PITPNC1: variants seen among roughly 807,000 people sequenced by gnomAD.
PITPNC1 encodes phosphatidylinositol transfer protein cytoplasmic 1.
In PITPNC1, 18 loss-of-function variants were observed where a neutral mutation model predicts 44.7. That is an observed-to-expected ratio of 0.40 (90% CI 0.28 to 0.60). PITPNC1 has a LOEUF of 0.60. Among genes scored for constraint, PITPNC1 ranks in the 20% least tolerant of loss-of-function variants. PITPNC1 has a pLI of 0.39. For synonymous variants in PITPNC1, 141 were observed against 149.6 expected (o/e 0.94, Z 0.42); for missense variants, 290 against 418.4 (o/e 0.69, Z 2.68).
At chr17:67,663,378 G>A (rs1329398214) in intron 6 of PITPNC1, among the ~76,000 whole-genome samples, 2 of 151,908 alleles carry the variant, frequency 1.3e-5, no homozygotes, top group Non-Finnish European at 2.9e-5. Context: ...GACCATCCTG[G>A]CTAACACAGT....
At chr17:67,472,006 C>T (rs538977329) in intron 1 of PITPNC1, among the ~76,000 whole-genome samples, 50 of 151,730 alleles carry the variant, frequency 3.3e-4, no homozygotes, top group African/African-American at 1.0e-3. Context: ...GTAGGATGTC[C>T]CTCAATCTGG....
intron 6 of PITPNC1, among the ~76,000 whole-genome samples, chr17:67,645,115 C>T (rs1238957776): frequency 6.6e-6 from 1 of 151,650 alleles, no homozygotes; most frequent in African/African-American, 2.4e-5. Context: ...CCGAGGCAGG[C>T]GGATCACCTG....
intron 4 of PITPNC1, among the ~76,000 whole-genome samples, chr17:67,574,667 A>C (rs1598839280): frequency 6.6e-6 from 1 of 152,218 alleles, no homozygotes; most frequent in East Asian, 1.9e-4. Context: ...TAACATGGAC[A>C]TCACCCCTGA....
chr17:67,391,021 C>G (rs764681735), intron 1 of PITPNC1, among the ~76,000 whole-genome samples: 3 of 151,052 alleles, frequency 2.0e-5, no homozygotes, highest in Admixed American at 6.6e-5. Flanking sequence ...ATGTAGCCAG[C>G]GTAAGTTCTT....
chr17:67,668,413 T>C (rs1474226839), intron 6 of PITPNC1, among the ~76,000 whole-genome samples: 2 of 152,190 alleles, frequency 1.3e-5, no homozygotes, highest in African/African-American at 4.8e-5. Context: ...TTTCCAGTTT[T>C]TGCCTCCTGT....
At chr17:67,605,855 A>T (rs1378842545) in intron 5 of PITPNC1, among the ~76,000 whole-genome samples, 1 of 152,238 alleles carries the variant, frequency 6.6e-6, no homozygotes, top group Admixed American at 6.5e-5. Context: ...TTAAGAGAGC[A>T]TCGTACTGAG....
At chr17:67,498,889 TGA>T (rs1441068573) in intron 1 of PITPNC1, among the ~76,000 whole-genome samples, 1 of 128,816 alleles carries the variant, frequency 7.8e-6, no homozygotes, top group African/African-American at 2.9e-5. Context: ...TTTTTTTTTT[TGA>T]GATGGAGTCT....
intron 1 of PITPNC1, among the ~76,000 whole-genome samples, chr17:67,410,940 G>A (rs770388161): frequency 7.9e-5 from 12 of 151,904 alleles, no homozygotes; most frequent in African/African-American, 2.4e-4. Context: ...CAAATTAGCC[G>A]GGCGTGGTGT....
chr17:67,430,459 G>A (rs958436780), intron 1 of PITPNC1, among the ~76,000 whole-genome samples: 4 of 150,734 alleles, frequency 2.7e-5, no homozygotes, highest in African/African-American at 7.3e-5. Flanking sequence ...CTGCACTCGA[G>A]CCTCTGTGAC....
rs2039560936 is a variant in PITPNC1 at position 67,472,735 on chromosome 17, G to T, written c.49-60067G>T. Among the ~76,000 whole-genome samples the T allele has an allele frequency of 3.3e-5, 5 of 151,932 alleles. No individual in the cohort carries two copies. In the South Asian group the frequency reaches 1.0e-3, roughly 32 times the overall value. Reference sequence around the variant, plus strand: ...TTTGTGTTGGGCCACATTCAAAGCTGTCCTGGGCCACGGGTTGGACAAGCT... The same window carrying T: ...TTTGTGTTGGGCCACATTCAAAGCTTTCCTGGGCCACGGGTTGGACAAGCT... On this transcript the variant is annotated intron_variant, in intron 1 of 8. Transcript: ENST00000581322.
Position 67,458,911 on chromosome 17 carries a change from G to T in PITPNC1, c.49-73891G>T, listed in dbSNP as rs1017278879. ...TCTGTTAATTTCTTAGTTTAGAACG[G>T]CCTGGATCACCCCGCTTAAGGCTCA... On this transcript the variant is annotated intron_variant, in intron 1 of 8. Transcript: ENST00000581322. Among the ~76,000 whole-genome samples the T allele has an allele frequency of 6.6e-5, 10 of 151,984 alleles. 1 individual carries two copies. In the East Asian group the frequency reaches 9.6e-4, roughly 15 times the overall value.
intron 1 of PITPNC1, chr17:67,379,085 C>G (rs1349003094): frequency 6.1e-6 from 6 of 985,852 alleles, no homozygotes; most frequent in African/African-American, 1.7e-5. Context: ...TCTTCCCCTT[C>G]TTCCTCCCCA....
intron 1 of PITPNC1, among the ~76,000 whole-genome samples, chr17:67,497,904 A>G (rs1361593999): frequency 2.0e-5 from 3 of 146,874 alleles, no homozygotes; most frequent in Non-Finnish European, 4.5e-5. Context: ...TCTGTTGCCC[A>G]GGCTGGAGTG....
At chr17:67,623,104 A>G (rs923166162) in intron 5 of PITPNC1, among the ~76,000 whole-genome samples, 1 of 131,780 alleles carries the variant, frequency 7.6e-6, no homozygotes, top group Non-Finnish European at 1.6e-5. Context: ...CGAGCTCCCA[A>G]AAGCCAAAAA....
chr17:67,501,272 T>A (rs1426691217), intron 1 of PITPNC1, among the ~76,000 whole-genome samples: 3 of 152,136 alleles, frequency 2.0e-5, no homozygotes, highest in Non-Finnish European at 4.4e-5. Flanking sequence ...ATCCTGGAAT[T>A]CCTTCTTGCT....
At chr17:67,626,660 T>C (rs1178505443) in intron 5 of PITPNC1, among the ~76,000 whole-genome samples, 1 of 152,082 alleles carries the variant, frequency 6.6e-6, no homozygotes, top group Non-Finnish European at 1.5e-5. Context: ...TGAGCCACCA[T>C]GCCCGGCCAG....
intron 6 of PITPNC1, among the ~76,000 whole-genome samples, chr17:67,647,846 C>T (rs1162266502): frequency 6.6e-6 from 1 of 152,116 alleles, no homozygotes; most frequent in Non-Finnish European, 1.5e-5. Flanking sequence ...TTCTGCTCCA[C>T]AGATCTGAGG....
intron 5 of PITPNC1, among the ~76,000 whole-genome samples, chr17:67,599,996 A>G (rs972436376): frequency 6.6e-6 from 1 of 152,192 alleles, no homozygotes; most frequent in Admixed American, 6.5e-5. Flanking sequence ...TCAGGCAGGT[A>G]TTGATGTAGG....
chr17:67,425,186 T>TGCGCGCGCGCGCGCGCGC lies in PITPNC1; in HGVS notation c.48+46992_48+46993insGCGCGCGCGCGCGCGCGC, dbSNP rs1386197600. 4.1e-4 allele frequency among the ~76,000 whole-genome samples: 23 copies of TGCGCGCGCGCGCGCGCGC among 55,714 alleles called. 1 individual carries two copies. Among genetic ancestry groups the TGCGCGCGCGCGCGCGCGC allele is most frequent in the African/African-American group, 8.4e-4 (11 of 13,128 alleles). 36.6% of individuals were successfully genotyped at this position (55,714 alleles called of 152,430 possible). ...CCAGGTGAAATAAACAGCCATGTTG[T>TGCGCGCGCGCGCGCGCGC]GCGCGCGCACGCACACGCACACACA... On this transcript the variant is annotated intron_variant, in intron 1 of 8. Coordinates refer to ENST00000581322, the MANE Select transcript of PITPNC1 (RefSeq NM_012417.4).
Sources: allele counts gnomAD v4.1 joint callset (sites outside exome capture counted in the v4.1 genomes callset), GRCh38; gene constraint gnomAD v4.1.1; transcripts MANE v1.5; gene names NCBI Gene and HGNC (gene_info 2026-07-23, HGNC 2026-07-21).